Variants in MEF2C observed in about 807,000 individuals in gnomAD.
MEF2C encodes the protein myocyte-specific enhancer factor 2C.
In MEF2C, 6 loss-of-function variants were observed where a neutral mutation model predicts 50.5. That is an observed-to-expected ratio of 0.12 (90% CI 0.07 to 0.23). MEF2C has a LOEUF of 0.23. MEF2C is among the 10% of genes least tolerant of loss of function. MEF2C has a pLI of 1.00. For synonymous variants in MEF2C, 183 were observed against 228.0 expected (o/e 0.80, Z 1.78); for missense variants, 276 against 605.0 (o/e 0.46, Z 5.70).
chr5:88,733,946 A>C, intron 6 of MEF2C: 1 of 985,300 alleles, frequency 1.0e-6, no homozygotes, highest in Non-Finnish European at 1.2e-6. Flanking sequence ...CAAACCCCCA[A>C]ATTTTCTTTA....
At chr5:88,742,687 C>T in intron 6 of MEF2C, 1 of 985,350 alleles carries the variant, frequency 1.0e-6, no homozygotes, top group Non-Finnish European at 1.2e-6. Context: ...GCATATTTTA[C>T]AACATCCTGA....
chr5:88,785,568 A>G (rs943138611), intron 3 of MEF2C: 4 of 152,164 alleles, frequency 2.6e-5, no homozygotes, highest in Admixed American at 6.6e-5. Context: ...TTAAGGTACA[A>G]TGAGTCACAG....
intron 1 of MEF2C, among the ~76,000 whole-genome samples, chr5:88,847,664 ACTTTT>A (rs761350464): frequency 6.6e-6 from 1 of 151,882 alleles, no homozygotes; most frequent in African/African-American, 2.4e-5. Flanking sequence ...CTCTATTACC[ACTTTT>A]CTTTTCTTTT....
chr5:88,861,929 A>G (rs1435729062), intron 1 of MEF2C, among the ~76,000 whole-genome samples: 1 of 152,206 alleles, frequency 6.6e-6, no homozygotes, highest in African/African-American at 2.4e-5. Flanking sequence ...AAAAAAGTCA[A>G]TCCATTAGAC....
intron 2 of MEF2C, among the ~76,000 whole-genome samples, chr5:88,822,208 T>G (rs1808732288): frequency 6.6e-6 from 1 of 151,972 alleles, no homozygotes; most frequent in Admixed American, 6.6e-5. Context: ...TTATCTGGTA[T>G]TGGTAATAAA....
intron 3 of MEF2C, among the ~76,000 whole-genome samples, chr5:88,774,413 T>C (rs1246766869): frequency 6.6e-6 from 1 of 151,638 alleles, no homozygotes; most frequent in East Asian, 1.9e-4. Context: ...AGCTCCGCCT[T>C]CCAGGTTCAG....
chr5:88,754,522 A>T (rs1774356717), intron 4 of MEF2C, among the ~76,000 whole-genome samples: 1 of 152,006 alleles, frequency 6.6e-6, no homozygotes, highest in African/African-American at 2.4e-5. Context: ...AACTCTCTAG[A>T]TCTAGAACAC....
chr5:88,775,721 A>G, intron 3 of MEF2C: 1 of 689,936 alleles, frequency 1.4e-6, no homozygotes, highest in Non-Finnish European at 1.8e-6. Flanking sequence ...CCATGACTGC[A>G]TATATTATGC....
chr5:88,793,922 G>C (rs1794915169), intron 3 of MEF2C, among the ~76,000 whole-genome samples: 1 of 151,816 alleles, frequency 6.6e-6, no homozygotes, highest in Non-Finnish European at 1.5e-5. Context: ...GTGTTAGTTT[G>C]CTGAGAATGA....
chr5:88,865,344 T>C (rs1184394610), intron 1 of MEF2C, among the ~76,000 whole-genome samples: 1 of 152,218 alleles, frequency 6.6e-6, no homozygotes, highest in Non-Finnish European at 1.5e-5. Context: ...CATAGTTTTC[T>C]AACGAATTCT....
intron 1 of MEF2C, among the ~76,000 whole-genome samples, chr5:88,881,727 T>C (rs75982552): frequency 5.2e-5 from 1 of 19,074 alleles, no homozygotes; most frequent in Non-Finnish European, 8.2e-5. Flanking sequence ...GGCTAGTCGC[T>C]TTTTTTTTTT....
chr5:88,751,831 A>C (rs1176348983), intron 5 of MEF2C, 26 bp downstream of exon 5: 2 of 1,604,868 alleles, frequency 1.2e-6, no homozygotes, highest in South Asian at 2.2e-5. Flanking sequence ...ACTATTTGTT[A>C]GCATTACATC....
At chr5:88,862,584 T>A (rs971547744) in intron 1 of MEF2C, among the ~76,000 whole-genome samples, 26 of 152,228 alleles carry the variant, frequency 1.7e-4, no homozygotes, top group African/African-American at 5.5e-4. Context: ...TAAAGTTTTT[T>A]AAAAATTACT....
At chr5:88,734,564 T>TG (rs1491318952) in intron 6 of MEF2C, 14 of 455,852 alleles carry the variant, frequency 3.1e-5, no homozygotes, top group African/African-American at 3.1e-4. Flanking sequence ...GAGAAAAGTT[T>TG]GTTTTTTTTT....
At chr5:88,770,750 C>T (rs1233570936) in intron 3 of MEF2C, among the ~76,000 whole-genome samples, 1 of 152,090 alleles carries the variant, frequency 6.6e-6, no homozygotes, top group Non-Finnish European at 1.5e-5. Context: ...TTTTGGACTC[C>T]CACCTTCCAG....
intron 4 of MEF2C, among the ~76,000 whole-genome samples, chr5:88,758,552 C>T (rs531656020): frequency 6.6e-6 from 1 of 152,226 alleles, no homozygotes; most frequent in East Asian, 1.9e-4. Context: ...AATAGAAAAA[C>T]AGTCTTGTAA....
chr5:88,843,038 C>T (rs1284239699), intron 1 of MEF2C, among the ~76,000 whole-genome samples: 1 of 151,980 alleles, frequency 6.6e-6, no homozygotes, highest in Non-Finnish European at 1.5e-5. Context: ...GTATGACAGA[C>T]AGAGATCATC....
intron 6 of MEF2C, chr5:88,738,724 T>C (rs1488669054): frequency 3.0e-6 from 3 of 985,206 alleles, no homozygotes; most frequent in East Asian, 1.1e-4. Flanking sequence ...ACAGTCAAGG[T>C]TGTCCTAAGC....
chr5:88,737,495 C>A (rs1764610970), intron 6 of MEF2C: 10 of 985,268 alleles, frequency 1.0e-5, no homozygotes, highest in South Asian at 4.7e-5. Flanking sequence ...TTCTTCCACA[C>A]TGACGAGTAT....
Sources: gnomAD v4.1 joint callset for allele counts (sites outside exome capture counted in the v4.1 genomes callset) on GRCh38, gnomAD v4.1.1 for gene constraint, MANE v1.5 for transcripts, NCBI Gene and HGNC (gene_info 2026-07-23, HGNC 2026-07-21) for gene names.